The following ATP8B4 variants were observed in gnomAD, a reference collection of about 807,000 sequenced individuals.
ATP8B4 encodes ATPase phospholipid transporting 8B4 (putative), also known as probable phospholipid-transporting ATPase IM.
ATP8B4 carries 133 observed loss-of-function variants against 145.6 expected under a neutral mutation model. The ratio of observed to expected loss-of-function variants is 0.91; its 90% confidence interval spans 0.79 to 1.05. The LOEUF is 1.05. Ranked by LOEUF, ATP8B4 falls within the 50% of genes least tolerant of loss-of-function variation. The pLI is 0.00. For synonymous variants in ATP8B4, 507 were observed against 492.9 expected (o/e 1.03, Z -0.38); for missense variants, 1,458 against 1,425.2 (o/e 1.02, Z -0.37).
In ATP8B4 at chr15:49,979,611, T is replaced by C; in HGVS notation, c.1034+6A>G. On this transcript the variant is annotated splice_donor_region_variant and intron_variant, in intron 12 of 27. Transcript: ENST00000284509. ...TATTTCATTAAAATATAAACTCTCA[T>C]CTTACCTCACATATAAGGAAATGGG... 1 of 1,448,710 alleles carries C rather than the reference T, an allele frequency of 6.9e-7. No individual in the cohort carries two copies. The highest frequency in any genetic ancestry group is 9.3e-7 in the Non-Finnish European group (1 of 1,076,122). The allele number at this position is 1,448,710 out of a possible 1,614,324, so 89.7% of individuals were successfully genotyped here.
intron 7 of ATP8B4, among the ~76,000 whole-genome samples, chr15:50,008,843 G>A (rs981002911): frequency 1.3e-5 from 2 of 152,256 alleles, no homozygotes; most frequent in East Asian, 1.9e-4. Context: ...GTTAGAGCAC[G>A]TTCATGGGGC....
At chr15:49,872,829 T>C (rs140257260) in intron 25 of ATP8B4, among the ~76,000 whole-genome samples, 82 of 152,180 alleles carry the variant, frequency 5.4e-4, no homozygotes, top group African/African-American at 1.9e-3. Context: ...AAAAGGGTAA[T>C]TAATGGAAAA....
intron 1 of ATP8B4, among the ~76,000 whole-genome samples, chr15:50,170,512 C>T (rs1018056466): frequency 7.0e-6 from 1 of 143,276 alleles, no homozygotes; most frequent in African/African-American, 2.6e-5. Context: ...CCACCCTCCA[C>T]AAGAACTGCT....
chr15:50,085,394 G>A (rs1389506889), intron 2 of ATP8B4, among the ~76,000 whole-genome samples: 4 of 152,138 alleles, frequency 2.6e-5, no homozygotes. Context: ...CAGATAAGGG[G>A]CAATCAGGTG....
intron 23 of ATP8B4, chr15:49,894,952 C>T (rs945019933): frequency 1.3e-5 from 2 of 152,150 alleles, no homozygotes; most frequent in Non-Finnish European, 1.5e-5. Flanking sequence ...ACTTCTTTTC[C>T]TCAAGGAGCT....
intron 23 of ATP8B4, among the ~76,000 whole-genome samples, chr15:49,885,023 T>C (rs1218186838): frequency 2.0e-5 from 3 of 152,180 alleles, no homozygotes; most frequent in South Asian, 2.1e-4. Context: ...AACATTAGCA[T>C]TGACCTGGGT....
intron 9 of ATP8B4, among the ~76,000 whole-genome samples, chr15:49,990,198 C>G (rs1184977855): frequency 6.6e-6 from 1 of 152,018 alleles, no homozygotes. Context: ...AAAATGAGAG[C>G]CTAGCCATGA....
intron 24 of ATP8B4, among the ~76,000 whole-genome samples, chr15:49,877,448 G>A (rs1377416851): frequency 6.6e-6 from 1 of 152,198 alleles, no homozygotes; most frequent in Non-Finnish European, 1.5e-5. Context: ...TATTGTGGGA[G>A]AGGAACATTC....
chr15:50,004,345 G>A (rs533083204), intron 7 of ATP8B4, among the ~76,000 whole-genome samples: 8 of 152,310 alleles, frequency 5.3e-5, no homozygotes, highest in East Asian at 1.9e-4. Context: ...GAAAGGGCAG[G>A]AGAGCTGCAG....
intron 1 of ATP8B4, among the ~76,000 whole-genome samples, chr15:50,181,717 C>T (rs1205573456): frequency 6.6e-6 from 1 of 152,174 alleles, no homozygotes; most frequent in African/African-American, 2.4e-5. Context: ...GACCGCCTGG[C>T]AGTCGGGCTG....
At chr15:49,882,869 CACA>C (rs1180500369) in intron 23 of ATP8B4, among the ~76,000 whole-genome samples, 1 of 152,118 alleles carries the variant, frequency 6.6e-6, no homozygotes, top group Non-Finnish European at 1.5e-5. Context: ...GTGTTCATTT[CACA>C]ACAATTTAAG....
At chr15:49,949,995 T>C (rs2042923250) in intron 14 of ATP8B4, among the ~76,000 whole-genome samples, 1 of 152,240 alleles carries the variant, frequency 6.6e-6, no homozygotes, top group Non-Finnish European at 1.5e-5. Flanking sequence ...CAGCCTTGCA[T>C]CCCAGGGATG....
At chr15:50,018,974 C>A in intron 6 of ATP8B4, 2 of 1,224,432 alleles carry the variant, frequency 1.6e-6, no homozygotes, top group Non-Finnish European at 2.1e-6. Flanking sequence ...GTACCTTCAG[C>A]ACCTTCATTA....
At chr15:49,879,562 AC>A in intron 23 of ATP8B4, 103 bp from the exon 24 acceptor site, 1 of 967,602 alleles carries the variant, frequency 1.0e-6, no homozygotes, top group Non-Finnish European at 1.5e-6. Context: ...GTGGGAGTTG[AC>A]TTTTGGAATC....
chr15:49,877,305 G>A (rs1229961450), intron 24 of ATP8B4, among the ~76,000 whole-genome samples: 1 of 152,186 alleles, frequency 6.6e-6, no homozygotes, highest in Non-Finnish European at 1.5e-5. Flanking sequence ...CCAAAGTAAT[G>A]CTGATAACCA....
intron 23 of ATP8B4, chr15:49,895,507 A>C (rs1417437187): frequency 1.3e-5 from 2 of 152,248 alleles, no homozygotes; most frequent in Non-Finnish European, 2.9e-5. Flanking sequence ...AGTGTAAAAA[A>C]ACAAAAGGGA....
intron 25 of ATP8B4, among the ~76,000 whole-genome samples, chr15:49,866,996 C>T (rs1465036073): frequency 6.6e-6 from 1 of 152,148 alleles, no homozygotes; most frequent in Non-Finnish European, 1.5e-5. Context: ...CAACTTATAA[C>T]AAAGAAAATT....
chr15:50,003,274 A>ATGTGTGTGTGTGTG lies in ATP8B4; in HGVS notation c.436-1065_436-1052dup, dbSNP rs10539979. 1.4e-3 allele frequency among the ~76,000 whole-genome samples: 198 copies of ATGTGTGTGTGTGTG among 141,184 alleles called. 4 individuals are homozygous for ATGTGTGTGTGTGTG. Among genetic ancestry groups the ATGTGTGTGTGTGTG allele is most frequent in the East Asian group, 6.8e-3 (32 of 4,672 alleles). 92.6% of individuals were successfully genotyped at this position (141,184 alleles called of 152,430 possible). On this transcript the variant is annotated intron_variant, in intron 7 of 27. Coordinates refer to ENST00000284509, the MANE Select transcript of ATP8B4 (RefSeq NM_024837.4). The stretch of plus-strand genomic sequence containing the variant: ...TTTGCAACTCAAAAATAGGGTGTGC[A>ATGTGTGTGTGTGTG]TGTGTGTGTGTGTGTGTGTGTGTGT...
intron 2 of ATP8B4, 112 bp from the exon 3 acceptor site, chr15:50,074,297 T>C (rs2054038403): frequency 8.8e-6 from 8 of 907,762 alleles, no homozygotes; most frequent in Non-Finnish European, 1.3e-5. Context: ...AAGAATTCTT[T>C]TCTTTCAAAT....
Sources: allele counts gnomAD v4.1 joint callset (sites outside exome capture counted in the v4.1 genomes callset), GRCh38; gene constraint gnomAD v4.1.1; transcripts MANE v1.5; gene names NCBI Gene and HGNC (gene_info 2026-07-23, HGNC 2026-07-21).